The following FRMPD3 variants were observed in gnomAD, a reference collection of about 807,000 sequenced individuals.
The protein encoded by FRMPD3 is FERM and PDZ domain-containing protein 3.
In FRMPD3, 42 loss-of-function variants were observed where a neutral mutation model predicts 97.9. That is an observed-to-expected ratio of 0.43 (90% CI 0.34 to 0.55). The LOEUF (loss-of-function observed/expected upper bound fraction) is 0.55, where lower values mean the gene tolerates loss of function less well. Among genes scored for constraint, FRMPD3 ranks in the 20% least tolerant of loss-of-function variants. The pLI is 0.03. For synonymous variants in FRMPD3, 577 were observed against 581.1 expected (o/e 0.99, Z 0.10); for missense variants, 1,303 against 1,457.7 (o/e 0.89, Z 1.73).
intron 1 of FRMPD3, among the ~76,000 whole-genome samples, chrX:107,507,074 G>A (rs930843387): frequency 9.1e-6 from 1 of 110,372 alleles, no homozygotes; most frequent in African/African-American, 3.3e-5. Flanking sequence ...GGGGTCTGTG[G>A]GGTTAGGGGG....
chrX:107,579,693 T>A (rs969708015), intron 13 of FRMPD3, among the ~76,000 whole-genome samples: 1 of 111,706 alleles, frequency 9.0e-6, no homozygotes, highest in Non-Finnish European at 1.9e-5. Flanking sequence ...GCCAGTTCTC[T>A]ATCTGTAATG....
At position 107,600,364 on chromosome X, in the gene FRMPD3, C is replaced by T; in HGVS notation, c.2325C>T (p.Asn775=). The change falls in exon 15 of 15, where the codon AAC becomes AAT. Residue 775 remains asparagine (N), a synonymous_variant. Coordinates refer to ENST00000683843, the MANE Select transcript of FRMPD3 (RefSeq NM_001388459.1). The part of the protein sequence containing the change: ...ESSLDSGHET[N]SSELTDMSEM... ...CGCTGGACTCAGGTCATGAAACCAACTCTTCAGAGCTCACAGACATGTCAG... is the reference window on the plus strand; with the variant it reads ...CGCTGGACTCAGGTCATGAAACCAATTCTTCAGAGCTCACAGACATGTCAG... 1 of 1,210,508 alleles carries T rather than the reference C, an allele frequency of 8.3e-7. No individual in the cohort carries two copies. The highest frequency in any genetic ancestry group is 1.1e-6 in the Non-Finnish European group (1 of 895,228).
chrX:107,572,879 C>CACTACT (rs35706267), intron 12 of FRMPD3, among the ~76,000 whole-genome samples: 1,990 of 99,466 alleles, frequency 0.02, 41 homozygotes, highest in African/African-American at 0.067. Context: ...ACCACATCTC[C>CACTACT]ACTACTACTA....
chrX:107,603,099 A>G lies in FRMPD3; in HGVS notation c.5060A>G (p.Gln1687Arg). 2 of 1,210,966 alleles carry G rather than the reference A, an allele frequency of 1.7e-6. No individual in the cohort carries two copies. The highest frequency in any genetic ancestry group is 2.2e-5 in the Admixed American group (1 of 46,070). The change falls in exon 15 of 15, where the codon CAA (glutamine) becomes CGA (arginine). Residue 1687 changes from glutamine (Q) to arginine (R), a missense_variant. Physicochemically the swap from Gln to Arg is conservative, Grantham distance 43. Transcript: ENST00000683843. ...ATTGTGCGCTCCGAGGCCCAGCGCC[A>G]AGAGCTGCTGGCCAAGGTAGAAGAG... Reference protein sequence around the residue: ...VFIVRSEAQRQELLAKVEEVV... With the variant: ...VFIVRSEAQRRELLAKVEEVV...
chrX:107,492,082 C>A (rs1351354187), intron 1 of FRMPD3, among the ~76,000 whole-genome samples: 1 of 111,398 alleles, frequency 9.0e-6, no homozygotes, highest in East Asian at 2.8e-4. Flanking sequence ...TGTTTCATAC[C>A]TCCTTTGAAA....
At chrX:107,475,545 A>ATAAT (rs1415865592) in intron 1 of FRMPD3, among the ~76,000 whole-genome samples, 3 of 112,675 alleles carry the variant, frequency 2.7e-5, no homozygotes, top group Non-Finnish European at 3.7e-5. Context: ...GGATGGGCAG[A>ATAAT]TAATTACACA....
intron 1 of FRMPD3, among the ~76,000 whole-genome samples, chrX:107,460,436 G>A (rs1931450417): frequency 9.1e-6 from 1 of 109,427 alleles, no homozygotes; most frequent in African/African-American, 3.3e-5. Flanking sequence ...TGTTGCCTAG[G>A]CTGGAATGCA....
At chrX:107,595,254 T>C (rs1924112404) in intron 13 of FRMPD3, among the ~76,000 whole-genome samples, 1 of 109,848 alleles carries the variant, frequency 9.1e-6, no homozygotes, top group Admixed American at 9.7e-5. Flanking sequence ...GAGGTGAAGG[T>C]TGCAGTGAGC....
At chrX:107,471,691 G>A (rs193171045) in intron 1 of FRMPD3, among the ~76,000 whole-genome samples, 120 of 111,677 alleles carry the variant, frequency 1.1e-3, no homozygotes, top group Middle Eastern at 9.3e-3. Flanking sequence ...TTCTTTATCC[G>A]GTCTATCATT....
rs761391320 is a variant in FRMPD3, at chrX:107,534,726, TCA to T, written c.297+1181_297+1182del. 7.2e-5 allele frequency among the ~76,000 whole-genome samples: 8 copies of T among 110,445 alleles called. No individual in the cohort carries two copies. In the East Asian group the frequency reaches 1.7e-3, roughly 24 times the overall value. The stretch of plus-strand genomic sequence containing the variant: ...ACACTGACACACACACACAATACAC[TCA>T]CACATTCATTCACAACCTCATGCAT... On this transcript the variant is annotated intron_variant, in intron 4 of 14. Transcript: ENST00000683843.
At chrX:107,474,092 A>G (rs1157737272) in intron 1 of FRMPD3, among the ~76,000 whole-genome samples, 1 of 111,936 alleles carries the variant, frequency 8.9e-6, no homozygotes, top group Non-Finnish European at 1.9e-5. Context: ...CTCAAAACGA[A>G]ACAAAACCAA....
chrX:107,576,172 C>A, intron 12 of FRMPD3, 143 bp from the exon 13 acceptor site: 1 of 553,524 alleles, frequency 1.8e-6, no homozygotes, highest in Non-Finnish European at 2.9e-6. Context: ...AACTATTTGT[C>A]AAGCCATGTG....
At chrX:107,459,739 G>A (rs749253564) in intron 1 of FRMPD3, among the ~76,000 whole-genome samples, 1 of 112,904 alleles carries the variant, frequency 8.9e-6, no homozygotes, top group African/African-American at 3.2e-5. Context: ...TAACTGCCAA[G>A]GGAGCTCTGC....
At chrX:107,458,322 A>G (rs1202258029) in intron 1 of FRMPD3, among the ~76,000 whole-genome samples, 1 of 112,245 alleles carries the variant, frequency 8.9e-6, no homozygotes, top group Non-Finnish European at 1.9e-5. Flanking sequence ...AGTAACTAAG[A>G]ATAATACAAG....
chrX:107,509,757 C>T (rs777642438), intron 1 of FRMPD3, among the ~76,000 whole-genome samples: 32 of 110,382 alleles, frequency 2.9e-4, no homozygotes, highest in Middle Eastern at 4.6e-3. Context: ...TACATAGCAT[C>T]CTCTGCTGCC....
chrX:107,546,830 G>T (rs1484740757), intron 5 of FRMPD3, among the ~76,000 whole-genome samples: 3 of 112,042 alleles, frequency 2.7e-5, no homozygotes, highest in Non-Finnish European at 5.6e-5. Flanking sequence ...GTTGGGAGAA[G>T]ATAGCAGGCC....
At chrX:107,572,532 G>A (rs1328808596) in intron 12 of FRMPD3, among the ~76,000 whole-genome samples, 2 of 111,354 alleles carry the variant, frequency 1.8e-5, no homozygotes, top group Non-Finnish European at 3.8e-5. Context: ...AAAGTCAGGA[G>A]TTCGAGACTA....
At chrX:107,515,246 C>T (rs1264741305) in intron 1 of FRMPD3, among the ~76,000 whole-genome samples, 1 of 110,838 alleles carries the variant, frequency 9.0e-6, no homozygotes, top group Non-Finnish European at 1.9e-5. Flanking sequence ...TCCAAGGAAC[C>T]CCAATATCTA....
chrX:107,570,543 A>G (rs1006208740), intron 12 of FRMPD3, among the ~76,000 whole-genome samples: 1 of 111,287 alleles, frequency 9.0e-6, no homozygotes, highest in Non-Finnish European at 1.9e-5. Context: ...CCAGGGGTAT[A>G]CAGGTCTTTA....
Sources: allele counts gnomAD v4.1 joint callset (sites outside exome capture counted in the v4.1 genomes callset), GRCh38; gene constraint gnomAD v4.1.1; transcripts MANE v1.5; gene names NCBI Gene and HGNC (gene_info 2026-07-23, HGNC 2026-07-21).